The following STEAP1B variants were observed in gnomAD, a reference collection of about 807,000 sequenced individuals.
The protein encoded by STEAP1B is STEAP family protein MGC87042.
A neutral mutation model predicts 27.9 loss-of-function variants in STEAP1B; 13 were observed. The observed-to-expected ratio is 0.47, with a 90% CI of 0.30 to 0.74. STEAP1B has a LOEUF of 0.74. STEAP1B is among the 30% of genes least tolerant of loss of function. STEAP1B has a pLI of 0.06. For synonymous variants in STEAP1B, 86 were observed against 107.1 expected, an observed-to-expected ratio of 0.80 and a Z score of 1.22; for missense variants, 250 against 298.7, an observed-to-expected ratio of 0.84 and a Z score of 1.20.
At chr7:22,432,412 TA>T (rs1785199719) in intron 4 of STEAP1B, among the ~76,000 whole-genome samples, 2 of 149,440 alleles carry the variant, frequency 1.3e-5, no homozygotes, top group Admixed American at 1.3e-4. Context: ...AATAAATAAA[TA>T]AATAAATAAA....
chr7:22,462,907 T>A (rs1314741199), intron 4 of STEAP1B, among the ~76,000 whole-genome samples: 1 of 152,220 alleles, frequency 6.6e-6, no homozygotes, highest in East Asian at 1.9e-4. Flanking sequence ...TTTCCTGACT[T>A]TTTAATGATT....
chr7:22,471,858 G>C (rs1382919928), intron 4 of STEAP1B, among the ~76,000 whole-genome samples: 2 of 130,542 alleles, frequency 1.5e-5, no homozygotes, highest in Admixed American at 9.4e-5. Context: ...AGCTATGATT[G>C]CACCAGTGCA....
At chr7:22,460,893 C>A (rs754821753) in intron 4 of STEAP1B, among the ~76,000 whole-genome samples, 3 of 152,152 alleles carry the variant, frequency 2.0e-5, no homozygotes, top group African/African-American at 7.2e-5. Context: ...GTAAGATATA[C>A]CTTTTCATTG....
intron 4 of STEAP1B, among the ~76,000 whole-genome samples, chr7:22,436,425 A>ATGTAACT (rs1785255155): frequency 6.6e-6 from 1 of 151,638 alleles, no homozygotes; most frequent in Non-Finnish European, 1.5e-5. Context: ...ATTTTTTTAA[A>ATGTAACT]TTTAAGTTCA....
chr7:22,430,153 T>C (rs6955171), intron 4 of STEAP1B, among the ~76,000 whole-genome samples: 12,328 of 152,258 alleles, frequency 0.081, 770 homozygotes, highest in East Asian at 0.17. Flanking sequence ...AATATTGTAT[T>C]TGAAAGTTTT....
chr7:22,497,220 T>A (rs1480733670), intron 1 of STEAP1B, among the ~76,000 whole-genome samples: 1 of 152,232 alleles, frequency 6.6e-6, no homozygotes, highest in African/African-American at 2.4e-5. Context: ...CTGATATTTA[T>A]ATATGGAAGT....
At chr7:22,467,763 C>T (rs776923672) in intron 4 of STEAP1B, among the ~76,000 whole-genome samples, 1 of 152,130 alleles carries the variant, frequency 6.6e-6, no homozygotes, top group Non-Finnish European at 1.5e-5. Context: ...GTCTATTAAA[C>T]CTCTTTCTTT....
At chr7:22,499,174 C>A (rs1786492115) in intron 1 of STEAP1B, among the ~76,000 whole-genome samples, 1 of 152,216 alleles carries the variant, frequency 6.6e-6, no homozygotes, top group South Asian at 2.1e-4. Context: ...ATTTCTAATG[C>A]GACTGCTGTT....
intron 4 of STEAP1B, among the ~76,000 whole-genome samples, chr7:22,466,287 C>T (rs58273145): frequency 0.23 from 34,277 of 151,824 alleles, 5,059 homozygotes; most frequent in Non-Finnish European, 0.31. Flanking sequence ...AATTGTGTGG[C>T]GTGGGGGTTT....
chr7:22,430,393 C>A lies in STEAP1B; in HGVS notation c.763-10557G>T, dbSNP rs188120093. Among the ~76,000 whole-genome samples the A allele has an allele frequency of 3.9e-5, 6 of 152,276 alleles. No homozygotes were observed. The East Asian group carries it at 1.2e-3, about 29-fold the overall frequency. ...ACAACTATTCTCCTCCTTGTTACCACCAGGACTACCACAAGTGCATCATTA... is the reference window on the plus strand; with the variant it reads ...ACAACTATTCTCCTCCTTGTTACCAACAGGACTACCACAAGTGCATCATTA... On this transcript the variant is annotated intron_variant, in intron 4 of 4. Transcript: ENST00000678116.
intron 1 of STEAP1B, among the ~76,000 whole-genome samples, chr7:22,498,088 G>A (rs1222467336): frequency 2.0e-5 from 3 of 152,184 alleles, no homozygotes; most frequent in Non-Finnish European, 2.9e-5. Flanking sequence ...TAATGCCACC[G>A]TTCATCTGAC....
At chr7:22,450,529 A>T (rs898840049) in intron 4 of STEAP1B, among the ~76,000 whole-genome samples, 1 of 150,360 alleles carries the variant, frequency 6.7e-6, no homozygotes, top group Admixed American at 6.6e-5. Context: ...GTTTCACTGG[A>T]CTATGTGTCT....
chr7:22,493,717 A>C lies in STEAP1B; in HGVS notation c.204T>G (p.Phe68Leu). 1 of 1,613,984 alleles carries C rather than the reference A, an allele frequency of 6.2e-7. No individual in the cohort carries two copies. Among genetic ancestry groups the C allele is most frequent in the Non-Finnish European group, 8.5e-7 (1 of 1,179,866 alleles). Reference sequence around the variant, plus strand: ...TTTTAATTGGCAAGTGCCACTGTGGAAAGAGTTCCTGTGCGTGCTGAAGTT... The same window carrying C: ...TTTTAATTGGCAAGTGCCACTGTGGCAAGAGTTCCTGTGCGTGCTGAAGTT... ...PSELQHAQEL[F>L]PQWHLPIKIA... The change falls in exon 3 of 5, where the codon TTT becomes TTG. Residue 68 changes from phenylalanine to leucine, a missense_variant. Coordinates refer to ENST00000678116, the MANE Select transcript of STEAP1B (RefSeq NM_001382447.1).
chr7:22,454,556 G>A (rs1785541060), intron 4 of STEAP1B, among the ~76,000 whole-genome samples: 1 of 152,106 alleles, frequency 6.6e-6, no homozygotes, highest in Non-Finnish European at 1.5e-5. Context: ...GCCATGCACT[G>A]CAGGAGCTGA....
At chr7:22,498,765 T>G (rs1011937161) in intron 1 of STEAP1B, among the ~76,000 whole-genome samples, 3 of 152,172 alleles carry the variant, frequency 2.0e-5, no homozygotes, top group Admixed American at 2.0e-4. Flanking sequence ...GACCCAGTCC[T>G]GGGGTAGCTA....
At position 22,493,541 on chromosome 7, in the gene STEAP1B, G is replaced by A. The variant is rs1786380461; in HGVS notation, c.380C>T (p.Ala127Val). Residue 127 changes from alanine to valine, a missense_variant, in exon 3 of 5, where the codon GCA (alanine) becomes GTA (valine). By Grantham distance (64) the Ala-to-Val change is moderately conservative. Transcript: ENST00000678116. Reference protein sequence around the residue: ...VLPMVSITLLALVYLPGVIAA... With the variant: ...VLPMVSITLLVLVYLPGVIAA... ...TATCACACCTGGTAGGTAAACCAAT[G>A]CCAAGAGAGTGATGGAAACCATTGG... The A allele has an allele frequency of 1.2e-6, 2 of 1,613,862 alleles. No individual in the cohort carries two copies. The highest frequency in any genetic ancestry group is 3.3e-5 in the Admixed American group (2 of 60,014).
At chr7:22,439,147 A>G (rs1404875686) in intron 4 of STEAP1B, among the ~76,000 whole-genome samples, 5 of 152,112 alleles carry the variant, frequency 3.3e-5, no homozygotes, top group African/African-American at 1.2e-4. Flanking sequence ...TACCTCACAC[A>G]TCAGAACTGT....
intron 4 of STEAP1B, among the ~76,000 whole-genome samples, chr7:22,486,244 A>G (rs2128415370): frequency 6.6e-6 from 1 of 152,192 alleles, no homozygotes; most frequent in East Asian, 1.9e-4. Context: ...ACAGAACACT[A>G]ATTTCTAACA....
At chr7:22,479,426 C>A (rs1294309276) in intron 4 of STEAP1B, among the ~76,000 whole-genome samples, 1 of 152,210 alleles carries the variant, frequency 6.6e-6, no homozygotes, top group East Asian at 1.9e-4. Context: ...ATAACTAATT[C>A]TTTCTGCTAG....
Sources: gnomAD v4.1 joint callset for allele counts (sites outside exome capture counted in the v4.1 genomes callset) on GRCh38, gnomAD v4.1.1 for gene constraint, MANE v1.5 for transcripts, NCBI Gene and HGNC (gene_info 2026-07-23, HGNC 2026-07-21) for gene names.